Variants in RBFOX1 observed in about 807,000 individuals in gnomAD.
The protein encoded by RBFOX1 is RNA binding protein fox-1 homolog 1.
In RBFOX1, 8 loss-of-function variants were observed where a neutral mutation model predicts 57.7. The observed-to-expected ratio is 0.14, with a 90% CI of 0.08 to 0.25. RBFOX1 has a LOEUF of 0.25. RBFOX1 is among the 10% of genes least tolerant of loss of function. RBFOX1 has a pLI of 1.00. For missense variants in RBFOX1, 611 were observed against 548.5 expected (o/e 1.11, Z -1.14); for synonymous variants, 326 against 222.4 (o/e 1.47, Z -4.15).
intron 4 of RBFOX1, among the ~76,000 whole-genome samples, chr16:5,891,513 T>C (rs1319649342): frequency 2.2e-4 from 33 of 152,246 alleles, no homozygotes; most frequent in Non-Finnish European, 5.9e-5. Context: ...GAGTATTTGC[T>C]GTCAAGGAAA....
intron 2 of RBFOX1, among the ~76,000 whole-genome samples, chr16:6,535,091 G>A (rs2096716909): frequency 6.6e-6 from 1 of 152,192 alleles, no homozygotes; most frequent in South Asian, 2.1e-4. Context: ...TGGTTGGGAT[G>A]AGATTCCATG....
intron 14 of RBFOX1, among the ~76,000 whole-genome samples, chr16:7,691,610 G>A (rs773975692): frequency 7.2e-5 from 11 of 152,096 alleles, no homozygotes; most frequent in Middle Eastern, 3.4e-3. Flanking sequence ...TTTCTTAGAG[G>A]GCTGTTTCTA....
intron 3 of RBFOX1, among the ~76,000 whole-genome samples, chr16:7,039,927 G>T (rs1889332724): frequency 6.6e-6 from 1 of 151,982 alleles, no homozygotes; most frequent in Non-Finnish European, 1.5e-5. Flanking sequence ...TTATGTCCCT[G>T]CAGAATTGGA....
intron 3 of RBFOX1, among the ~76,000 whole-genome samples, chr16:5,769,900 C>G (rs968378465): frequency 2.0e-5 from 3 of 152,124 alleles, no homozygotes; most frequent in Non-Finnish European, 2.9e-5. Context: ...GTAGGAAATT[C>G]ATGCAGGATG....
At chr16:5,355,120 G>A (rs576749719) in intron 1 of RBFOX1, among the ~76,000 whole-genome samples, 5 of 152,224 alleles carry the variant, frequency 3.3e-5, no homozygotes, top group African/African-American at 7.2e-5. Context: ...TACTAGGGTC[G>A]TCTTAGCTCA....
chr16:5,763,735 T>C (rs2053670030), intron 3 of RBFOX1, among the ~76,000 whole-genome samples: 1 of 152,320 alleles, frequency 6.6e-6, no homozygotes, highest in Non-Finnish European at 1.5e-5. Context: ...CCGACTGTGG[T>C]AACTCGGTTG....
chr16:6,328,822 T>G (rs2082673729), intron 2 of RBFOX1, among the ~76,000 whole-genome samples: 1 of 152,108 alleles, frequency 6.6e-6, no homozygotes, highest in South Asian at 2.1e-4. Context: ...TGGGCAGTGA[T>G]CATTTCAGCA....
At chr16:5,908,268 A>G (rs1407341877) in intron 4 of RBFOX1, among the ~76,000 whole-genome samples, 1 of 148,872 alleles carries the variant, frequency 6.7e-6, no homozygotes, top group Non-Finnish European at 1.5e-5. Context: ...ATATACACAT[A>G]TATATACATA....
chr16:7,145,441 A>T (rs2074758643), intron 4 of RBFOX1, among the ~76,000 whole-genome samples: 1 of 152,114 alleles, frequency 6.6e-6, no homozygotes, highest in Admixed American at 6.5e-5. Flanking sequence ...TCCTGACTTG[A>T]AGTGATCCAC....
intron 4 of RBFOX1, among the ~76,000 whole-genome samples, chr16:7,261,050 C>T (rs1346363696): frequency 6.6e-6 from 1 of 152,160 alleles, no homozygotes; most frequent in Non-Finnish European, 1.5e-5. Context: ...TATGACTCCA[C>T]CTGAAAAATG....
At chr16:5,502,537 T>G (rs998462568) in intron 2 of RBFOX1, among the ~76,000 whole-genome samples, 4 of 152,164 alleles carry the variant, frequency 2.6e-5, no homozygotes, top group Non-Finnish European at 5.9e-5. Flanking sequence ...CTTTTGTTGC[T>G]GTTACTGTAG....
chr16:5,249,647 AATT>A (rs925389246), intron 1 of RBFOX1, among the ~76,000 whole-genome samples: 2 of 152,078 alleles, frequency 1.3e-5, no homozygotes, highest in African/African-American at 4.8e-5. Flanking sequence ...TAAAAATACA[AATT>A]ATTATTTGTT....
At chr16:7,002,120 T>C (rs2092871617) in intron 3 of RBFOX1, among the ~76,000 whole-genome samples, 1 of 151,958 alleles carries the variant, frequency 6.6e-6, no homozygotes, top group Admixed American at 6.6e-5. Context: ...CTCATGGGGT[T>C]GTTGATCTTG....
intron 3 of RBFOX1, among the ~76,000 whole-genome samples, chr16:5,629,115 A>AAGC (rs1421072052): frequency 1.3e-5 from 2 of 151,866 alleles, no homozygotes; most frequent in Non-Finnish European, 2.9e-5. Context: ...TAAAAAGAAG[A>AAGC]AGCTATTTTA....
chr16:5,737,479 C>A (rs575857654), intron 3 of RBFOX1, among the ~76,000 whole-genome samples: 2 of 147,300 alleles, frequency 1.4e-5, no homozygotes, highest in East Asian at 4.2e-4. Context: ...GAGTGAGACT[C>A]CATCTCAAAA....
intron 3 of RBFOX1, among the ~76,000 whole-genome samples, chr16:6,881,126 G>C (rs1038738538): frequency 6.6e-6 from 1 of 152,076 alleles, no homozygotes; most frequent in African/African-American, 2.4e-5. Flanking sequence ...TCAGTGAAGC[G>C]CTCCAGGCAG....
intron 4 of RBFOX1, among the ~76,000 whole-genome samples, chr16:7,391,198 C>T (rs1037760759): frequency 5.3e-5 from 8 of 152,290 alleles, no homozygotes; most frequent in South Asian, 4.1e-4. Context: ...GCCCCACCTC[C>T]GTCCCACCTT....
chr16:7,552,124 C>G (rs758731626), intron 5 of RBFOX1, among the ~76,000 whole-genome samples: 1 of 152,160 alleles, frequency 6.6e-6, no homozygotes, highest in Non-Finnish European at 1.5e-5. Flanking sequence ...GTTTTTAATT[C>G]CCATGTTGGT....
At chr16:5,316,006 C>G (rs989719173) in intron 1 of RBFOX1, among the ~76,000 whole-genome samples, 3 of 152,156 alleles carry the variant, frequency 2.0e-5, no homozygotes, top group African/African-American at 7.2e-5. Context: ...TAGGTCTCCT[C>G]CCACTACCAG....
Sources: gnomAD v4.1 joint callset for allele counts (sites outside exome capture counted in the v4.1 genomes callset) on GRCh38, gnomAD v4.1.1 for gene constraint, MANE v1.5 for transcripts, NCBI Gene and HGNC (gene_info 2026-07-23, HGNC 2026-07-21) for gene names.